Variants in SSBP3 observed in about 807,000 individuals in gnomAD.
SSBP3 encodes the protein single stranded DNA binding protein 3.
SSBP3 carries 5 observed loss-of-function variants against 69.6 expected under a neutral mutation model. The ratio of observed to expected loss-of-function variants is 0.07; its 90% CI spans 0.04 to 0.15. The LOEUF (loss-of-function observed/expected upper bound fraction) is 0.15. SSBP3 is among the 10% of genes least tolerant of loss of function. The pLI, the probability that SSBP3 is intolerant of heterozygous loss-of-function variation, is 1.00. For synonymous variants in SSBP3, 196 were observed against 193.4 expected (o/e 1.01, Z -0.11); for missense variants, 312 against 534.0 (o/e 0.58, Z 4.10).
In SSBP3 at chr1:54,243,186, G is replaced by C. The variant is rs201346200; in HGVS notation, c.716+49C>G. 91 of 1,565,172 alleles carry C rather than the reference G, an allele frequency of 5.8e-5. No homozygotes were observed. The Middle Eastern group carries it at 7.0e-4, about 12-fold the overall frequency. ...GTCTCCCAGGGTGCTGGCAGAGGGT[G>C]GGGGAAGACCTGGACTCTGAGCCAC... On this transcript the variant is annotated intron_variant, in intron 10 of 17. Transcript: ENST00000610401.
intron 5 of SSBP3, among the ~76,000 whole-genome samples, chr1:54,274,922 C>T (rs754764270): frequency 6.6e-6 from 1 of 151,988 alleles, no homozygotes; most frequent in Non-Finnish European, 1.5e-5. Context: ...TCGCCTGGCA[C>T]ACTCCCCCAC....
intron 14 of SSBP3, chr1:54,236,394 T>C (rs1356892498): frequency 6.6e-6 from 1 of 152,252 alleles, no homozygotes; most frequent in Non-Finnish European, 1.5e-5. Flanking sequence ...GTGCTGGGAT[T>C]ACAGGTGTGA....
At chr1:54,253,075 G>T (rs1469228907) in intron 7 of SSBP3, among the ~76,000 whole-genome samples, 2 of 152,136 alleles carry the variant, frequency 1.3e-5, no homozygotes, top group Non-Finnish European at 2.9e-5. Context: ...GCTTCAGAAT[G>T]GAACAGGGGA....
At chr1:54,293,230 G>A (rs1318253317) in intron 4 of SSBP3, among the ~76,000 whole-genome samples, 3 of 151,978 alleles carry the variant, frequency 2.0e-5, no homozygotes, top group Non-Finnish European at 4.4e-5. Context: ...CCAAGAAGAG[G>A]GCCAGAGCAC....
At chr1:54,406,041 G>GCCGCCA in exon 1 of SSBP3, 2 of 1,299,918 alleles carry the variant, frequency 1.5e-6, no homozygotes, top group South Asian at 1.5e-5. Flanking sequence ...GAGCCTCGCC[G>GCCGCCA]CCGCCGCCGC....
chr1:54,301,411 TG>T (rs1380512800), intron 4 of SSBP3, among the ~76,000 whole-genome samples: 1 of 152,196 alleles, frequency 6.6e-6, no homozygotes, highest in East Asian at 1.9e-4. Context: ...TGCTGTACCC[TG>T]AGTTTCTGCA....
chr1:54,372,067 G>C (rs1647144620), intron 4 of SSBP3, among the ~76,000 whole-genome samples: 1 of 152,142 alleles, frequency 6.6e-6, no homozygotes, highest in South Asian at 2.1e-4. Context: ...ACCAGACCTG[G>C]GTTCCTGTCA....
At chr1:54,338,807 A>C (rs1401355213) in intron 4 of SSBP3, among the ~76,000 whole-genome samples, 1 of 152,162 alleles carries the variant, frequency 6.6e-6, no homozygotes, top group African/African-American at 2.4e-5. Flanking sequence ...CACCCCTAAC[A>C]AACAGCCCCA....
intron 4 of SSBP3, among the ~76,000 whole-genome samples, chr1:54,363,212 G>A (rs1391126908): frequency 1.3e-5 from 2 of 152,090 alleles, no homozygotes; most frequent in African/African-American, 4.8e-5. Context: ...GCTCATCACA[G>A]CCACATGAAC....
At chr1:54,251,134 C>T (rs1464781280) in intron 9 of SSBP3, among the ~76,000 whole-genome samples, 2 of 152,174 alleles carry the variant, frequency 1.3e-5, no homozygotes, top group African/African-American at 4.8e-5. Context: ...TGCTGGGGCC[C>T]ACAGAGGTCA....
At chr1:54,281,352 C>T (rs1476226574) in intron 5 of SSBP3, 86 bp downstream of exon 5, 5 of 1,119,642 alleles carry the variant, frequency 4.5e-6, no homozygotes, top group Non-Finnish European at 6.4e-6. Context: ...AACTGAGCTA[C>T]TTACTTCTCT....
At chr1:54,284,307 G>C (rs891997843) in intron 4 of SSBP3, among the ~76,000 whole-genome samples, 3 of 151,192 alleles carry the variant, frequency 2.0e-5, no homozygotes, top group Non-Finnish European at 4.4e-5. Flanking sequence ...TTTGGTATTC[G>C]GTATTCTGAG....
At chr1:54,257,038 C>T (rs1292386944) in intron 7 of SSBP3, 89 bp downstream of exon 7, 8 of 1,382,190 alleles carry the variant, frequency 5.8e-6, no homozygotes, top group Non-Finnish European at 7.9e-6. Flanking sequence ...CCCCTCAATC[C>T]TTTCCCTCAA....
intron 9 of SSBP3, among the ~76,000 whole-genome samples, chr1:54,245,318 T>G (rs570639722): frequency 5.3e-5 from 8 of 152,278 alleles, no homozygotes; most frequent in African/African-American, 1.9e-4. Context: ...GGAGAAAGTT[T>G]TGCCTCAAGT....
intron 14 of SSBP3, among the ~76,000 whole-genome samples, chr1:54,233,946 T>C (rs953846306): frequency 6.6e-6 from 1 of 152,232 alleles, no homozygotes; most frequent in Admixed American, 6.5e-5. Context: ...AATCGGATGG[T>C]TGCCGTGTCT....
chr1:54,363,555 C>A (rs565083318), intron 4 of SSBP3, among the ~76,000 whole-genome samples: 1 of 152,268 alleles, frequency 6.6e-6, no homozygotes, highest in East Asian at 1.9e-4. Context: ...CAACCACAAT[C>A]TTCTCTGGCC....
At chr1:54,229,541 CAG>C (rs1343112261) in intron 14 of SSBP3, among the ~76,000 whole-genome samples, 37 of 152,230 alleles carry the variant, frequency 2.4e-4, no homozygotes, top group African/African-American at 8.7e-4. Flanking sequence ...GGCTCCCATG[CAG>C]AACTGTTGGT....
chr1:54,256,716 T>C (rs1048819707), intron 7 of SSBP3, among the ~76,000 whole-genome samples: 1 of 152,194 alleles, frequency 6.6e-6, no homozygotes, highest in African/African-American at 2.4e-5. Flanking sequence ...TTACCAGCCT[T>C]GGCAATTCTC....
intron 4 of SSBP3, among the ~76,000 whole-genome samples, chr1:54,325,797 T>C (rs1646291143): frequency 6.6e-6 from 1 of 152,212 alleles, no homozygotes; most frequent in African/African-American, 2.4e-5. Context: ...CGCTACTGTT[T>C]TTCTCTGGTT....
Sources: allele counts gnomAD v4.1 joint callset (sites outside exome capture counted in the v4.1 genomes callset), GRCh38; gene constraint gnomAD v4.1.1; transcripts MANE v1.5; gene names NCBI Gene and HGNC (gene_info 2026-07-23, HGNC 2026-07-21).